The following EXOC6B variants were observed in gnomAD, a reference collection of about 807,000 sequenced individuals.
The protein encoded by EXOC6B is exocyst complex component 6B.
A neutral mutation model predicts 113.5 loss-of-function variants in EXOC6B; 54 were observed. That is an observed-to-expected ratio of 0.48 (90% CI 0.38 to 0.60). EXOC6B has a LOEUF of 0.60. Ranked by LOEUF, EXOC6B falls within the 20% of genes least tolerant of loss-of-function variation. EXOC6B has a pLI of 0.00. For synonymous variants in EXOC6B, 357 were observed against 339.0 expected, an observed-to-expected ratio of 1.05 and a Z score of -0.58; for missense variants, 797 against 977.5, an observed-to-expected ratio of 0.82 and a Z score of 2.46.
At chr2:72,591,039 C>T (rs1219955333) in intron 6 of EXOC6B, among the ~76,000 whole-genome samples, 1 of 151,916 alleles carries the variant, frequency 6.6e-6, no homozygotes, top group Non-Finnish European at 1.5e-5. Context: ...GCAATGTACC[C>T]AATCTATGAA....
chr2:72,583,496 A>G (rs1212835882), intron 6 of EXOC6B, among the ~76,000 whole-genome samples: 2 of 152,240 alleles, frequency 1.3e-5, no homozygotes, highest in Non-Finnish European at 2.9e-5. Context: ...CCATGGGGCT[A>G]ACAGTGAACT....
At chr2:72,665,792 A>G (rs546073762) in intron 6 of EXOC6B, among the ~76,000 whole-genome samples, 103 of 152,308 alleles carry the variant, frequency 6.8e-4, no homozygotes, top group African/African-American at 2.4e-3. Flanking sequence ...ACGCAATCAA[A>G]TCTATGAAAC....
chr2:72,595,668 A>T (rs751476937), intron 6 of EXOC6B, among the ~76,000 whole-genome samples: 18 of 152,036 alleles, frequency 1.2e-4, no homozygotes, highest in Non-Finnish European at 1.0e-4. Flanking sequence ...TAGGGTCATA[A>T]AGGAGAGAAG....
rs112375579 is a variant in EXOC6B, at chr2:72,779,221, C to G, written c.114-37752G>C. ...AAGTTACAAAGCTAGTGAGTAGAGC[C>G]ATGATTACAGTGAAAGTATAAAAAC... On this transcript the variant is annotated intron_variant, in intron 1 of 21. Transcript: ENST00000272427. Among the ~76,000 whole-genome samples the G allele has an allele frequency of 1.4e-4, 22 of 151,926 alleles. 2 individuals carry two copies. The highest frequency in any genetic ancestry group is 4.6e-4 in the African/African-American group (19 of 41,428).
At chr2:72,484,414 A>C (rs575567523) in intron 16 of EXOC6B, among the ~76,000 whole-genome samples, 1 of 151,328 alleles carries the variant, frequency 6.6e-6, no homozygotes, top group South Asian at 2.1e-4. Context: ...AAAAAAAAAA[A>C]AATTCAGCTG....
intron 1 of EXOC6B, among the ~76,000 whole-genome samples, chr2:72,803,574 GA>G (rs1357578348): frequency 1.3e-5 from 2 of 151,710 alleles, no homozygotes; most frequent in African/African-American, 2.4e-5. Flanking sequence ...TGCAAGGGAA[GA>G]AAAAAAATGC....
chr2:72,514,925 C>A, intron 9 of EXOC6B, 118 bp downstream of exon 9: 1 of 993,920 alleles, frequency 1.0e-6, no homozygotes, highest in Non-Finnish European at 1.5e-6. Flanking sequence ...CAAAAGTGGT[C>A]TCAGAATGAC....
At position 72,747,811 on chromosome 2, in the gene EXOC6B, G is replaced by A. The variant is rs984440731; in HGVS notation, c.114-6342C>T. Among the ~76,000 whole-genome samples the A allele has an allele frequency of 3.6e-4, 54 of 151,848 alleles. 1 individual carries two copies. Among genetic ancestry groups the A allele is most frequent in the African/African-American group, 1.3e-3 (52 of 41,352 alleles). ...CAATTTTCAGCTTGCACCTTTTCTG[G>A]GAAACCTTCCCTAATCACATAGATT... On this transcript the variant is annotated intron_variant, in intron 1 of 21. Transcript: ENST00000272427.
chr2:72,732,338 G>A (rs957715311), intron 3 of EXOC6B, among the ~76,000 whole-genome samples: 1 of 151,722 alleles, frequency 6.6e-6, no homozygotes, highest in African/African-American at 2.4e-5. Context: ...TGTTTTGGGG[G>A]GCAGGTAGAG....
intron 6 of EXOC6B, among the ~76,000 whole-genome samples, chr2:72,662,739 C>T (rs1281497593): frequency 1.3e-5 from 2 of 151,750 alleles, no homozygotes; most frequent in Non-Finnish European, 2.9e-5. Flanking sequence ...TCTGAAAAAC[C>T]GTTTAGCCTT....
intron 13 of EXOC6B, among the ~76,000 whole-genome samples, chr2:72,497,790 A>C (rs538779167): frequency 3.3e-4 from 50 of 152,172 alleles, no homozygotes; most frequent in Non-Finnish European, 5.4e-4. Context: ...AATCACTTAA[A>C]GTAAAGGAGT....
intron 20 of EXOC6B, among the ~76,000 whole-genome samples, chr2:72,314,680 G>C (rs970902943): frequency 6.6e-6 from 1 of 152,110 alleles, no homozygotes. Flanking sequence ...GTTTATATCC[G>C]ATATGTACAA....
chr2:72,489,905 AAAG>A (rs1372394982), intron 16 of EXOC6B, among the ~76,000 whole-genome samples: 7 of 152,208 alleles, frequency 4.6e-5, no homozygotes, highest in Non-Finnish European at 1.0e-4. Flanking sequence ...ATGCATAGAA[AAAG>A]AAGAGACTGT....
At chr2:72,518,299 A>G (rs1701316570) in intron 8 of EXOC6B, among the ~76,000 whole-genome samples, 1 of 152,228 alleles carries the variant, frequency 6.6e-6, no homozygotes, top group African/African-American at 2.4e-5. Flanking sequence ...ACACTGCTCC[A>G]AAAGTTTTGT....
chr2:72,265,397 T>C (rs1684007093), intron 20 of EXOC6B, among the ~76,000 whole-genome samples: 1 of 132,576 alleles, frequency 7.5e-6, no homozygotes. Context: ...ATGCTATCCC[T>C]CCCCCCTCCC....
intron 1 of EXOC6B, among the ~76,000 whole-genome samples, chr2:72,796,659 C>T (rs376804362): frequency 8.5e-5 from 13 of 152,202 alleles, no homozygotes; most frequent in African/African-American, 2.4e-4. Flanking sequence ...CCCCTTCCGT[C>T]CCACAGCTCT....
chr2:72,742,554 T>C (rs983942390), intron 1 of EXOC6B, among the ~76,000 whole-genome samples: 1 of 152,194 alleles, frequency 6.6e-6, no homozygotes, highest in South Asian at 2.1e-4. Context: ...TTCTTTGCCT[T>C]ACTAAAGTAT....
chr2:72,381,486 T>C (rs1691674427), intron 18 of EXOC6B, among the ~76,000 whole-genome samples: 1 of 152,176 alleles, frequency 6.6e-6, no homozygotes, highest in African/African-American at 2.4e-5. Context: ...ATATGTTTTT[T>C]CATATGTTAT....
In EXOC6B at chr2:72,786,059, A is replaced by G. The variant is rs1314755073; in HGVS notation, c.113+39739T>C. Among the ~76,000 whole-genome samples the G allele has an allele frequency of 3.9e-5, 6 of 152,234 alleles. No individual in the cohort carries two copies. In the South Asian group the frequency reaches 6.2e-4, roughly 16 times the overall value. On this transcript the variant is annotated intron_variant, in intron 1 of 21. Transcript: ENST00000272427. ...GGCAAGACAGCAAGACCTTGTCTTCACTAAAAATAAAATAAAATAAAAAAT... is the reference window on the plus strand; with the variant it reads ...GGCAAGACAGCAAGACCTTGTCTTCGCTAAAAATAAAATAAAATAAAAAAT...
Sources: allele counts gnomAD v4.1 joint callset (sites outside exome capture counted in the v4.1 genomes callset), GRCh38; gene constraint gnomAD v4.1.1; transcripts MANE v1.5; gene names NCBI Gene and HGNC (gene_info 2026-07-23, HGNC 2026-07-21).